Variants in PACS1 observed in about 807,000 individuals in gnomAD.
PACS1 encodes the protein phosphofurin acidic cluster sorting protein 1, also known as PACS-1.
A neutral mutation model predicts 115.0 loss-of-function variants in PACS1; 24 were observed. The ratio of observed to expected loss-of-function variants is 0.21; its 90% CI spans 0.15 to 0.29. PACS1 has a LOEUF of 0.29. PACS1 is among the 10% of genes least tolerant of loss of function. PACS1 has a pLI of 1.00. For missense variants in PACS1, 838 were observed against 1,251.2 expected, an observed-to-expected ratio of 0.67 and a Z score of 4.98; for synonymous variants, 453 against 504.5, an observed-to-expected ratio of 0.90 and a Z score of 1.37.
At chr11:66,162,828 TA>T (rs1297017075) in intron 1 of PACS1, among the ~76,000 whole-genome samples, 69 of 152,350 alleles carry the variant, frequency 4.5e-4, no homozygotes, top group African/African-American at 1.6e-3. Context: ...TAAGCAATGT[TA>T]AAATTTTATC....
Position 66,234,121 on chromosome 11 carries a change from C to T in PACS1, c.1994-11C>T. 6.3e-7 allele frequency: 1 copy of T among 1,595,626 alleles called. No individual in the cohort carries two copies. The highest frequency in any genetic ancestry group is 8.6e-7 in the Non-Finnish European group (1 of 1,163,128). On this transcript the variant is annotated splice_polypyrimidine_tract_variant and intron_variant, in intron 16 of 23. Transcript: ENST00000320580. ...TGACGAATTCACCACCTCTGGTTTT[C>T]CATCTACCAGGTTCTCACCCTGTGG...
At chr11:66,115,514 G>A (rs1565112407) in intron 1 of PACS1, among the ~76,000 whole-genome samples, 1 of 152,134 alleles carries the variant, frequency 6.6e-6, no homozygotes, top group East Asian at 1.9e-4. Context: ...GCACAAATAT[G>A]GAAAATTCTG....
Position 66,184,803 on chromosome 11 carries a change from A to AT in PACS1, c.357-8676dup, listed in dbSNP as rs559642978. The stretch of plus-strand genomic sequence containing the variant: ...TTGCTCAAAAGCAGAGATTATGCCC[A>AT]TTTTTTTCTTTTTCAGCTCCTAGCA... On this transcript the variant is annotated intron_variant, in intron 1 of 23. Coordinates refer to ENST00000320580, the MANE Select transcript of PACS1 (RefSeq NM_018026.4). Among the ~76,000 whole-genome samples, 5 of 152,108 alleles carry AT rather than the reference A, an allele frequency of 3.3e-5. No individual in the cohort carries two copies. The East Asian group carries it at 7.7e-4, about 23-fold the overall frequency.
At chr11:66,098,605 C>T (rs537889782) in intron 1 of PACS1, among the ~76,000 whole-genome samples, 2 of 152,228 alleles carry the variant, frequency 1.3e-5, no homozygotes, top group South Asian at 2.1e-4. Flanking sequence ...GTGATAAAAC[C>T]CTATTGTCCA....
At chr11:66,210,912 C>T (rs1855055818) in intron 3 of PACS1, among the ~76,000 whole-genome samples, 1 of 152,208 alleles carries the variant, frequency 6.6e-6, no homozygotes, top group African/African-American at 2.4e-5. Context: ...AGGGAAGAGA[C>T]AGTTCTCTGA....
At chr11:66,164,615 A>G (rs566967887) in intron 1 of PACS1, among the ~76,000 whole-genome samples, 5 of 144,346 alleles carry the variant, frequency 3.5e-5, no homozygotes, top group African/African-American at 1.0e-4. Flanking sequence ...ACATATATAT[A>G]TGTATTTTTT....
rs1590846897 is a variant in PACS1 at position 66,244,679 on chromosome 11, T to C, written c.*1399T>C. The C allele has an allele frequency of 6.6e-6, 1 of 152,146 alleles. No individual in the cohort carries two copies. The highest frequency in any genetic ancestry group is 2.1e-4 in the South Asian group (1 of 4,824). The allele number at this position is 152,146 out of a possible 1,614,324, so 9.4% of individuals were successfully genotyped here. A position where few individuals can be genotyped will look rare whatever the true frequency, so the allele number is the denominator to read the frequency against. On this transcript the variant is annotated 3_prime_UTR_variant, in exon 24 of 24. Coordinates refer to ENST00000320580, the MANE Select transcript of PACS1 (RefSeq NM_018026.4). ...CGTCTCCTGGGCCAGAGAGAGGAGA[T>C]GGGGGTGGGAGGGACTGAGTTGATG...
chr11:66,137,677 G>C (rs377315486), intron 1 of PACS1, among the ~76,000 whole-genome samples: 3 of 152,144 alleles, frequency 2.0e-5, no homozygotes, highest in South Asian at 4.1e-4. Flanking sequence ...CATTGACCAA[G>C]GGGTGACAAT....
At chr11:66,189,759 T>A (rs997622905) in intron 1 of PACS1, among the ~76,000 whole-genome samples, 13 of 152,326 alleles carry the variant, frequency 8.5e-5, no homozygotes, top group African/African-American at 3.1e-4. Flanking sequence ...AGGTGGAAAA[T>A]GTTTGCTTTG....
At chr11:66,081,903 AAGCCAT>A (rs1857487246) in intron 1 of PACS1, among the ~76,000 whole-genome samples, 1 of 152,186 alleles carries the variant, frequency 6.6e-6, no homozygotes, top group Non-Finnish European at 1.5e-5. Context: ...TTTGTGTCTC[AAGCCAT>A]AGAAAAACTA....
rs539901414 is a variant in PACS1 at position 66,216,332 on chromosome 11, G to A, written c.805+69G>A. On this transcript the variant is annotated intron_variant, in intron 5 of 23. Coordinates refer to ENST00000320580, the MANE Select transcript of PACS1 (RefSeq NM_018026.4). ...CATCCTGGGAAAGGTGAACAAGACA[G>A]TGCCTGAGATGTTCCTGGGCAAGAG... is the stretch of plus-strand genomic sequence containing the variant. 79 of 1,581,636 alleles carry A rather than the reference G, an allele frequency of 5.0e-5. No homozygotes were observed. The Admixed American group carries it at 6.3e-4, about 13-fold the overall frequency.
At chr11:66,146,150 A>C (rs1027461951) in intron 1 of PACS1, among the ~76,000 whole-genome samples, 1 of 152,126 alleles carries the variant, frequency 6.6e-6, no homozygotes, top group African/African-American at 2.4e-5. Flanking sequence ...ATGGGACAAA[A>C]AAAACAGGAA....
intron 1 of PACS1, among the ~76,000 whole-genome samples, chr11:66,099,837 T>A (rs1259635243): frequency 7.3e-6 from 1 of 137,246 alleles, no homozygotes; most frequent in East Asian, 2.2e-4. Context: ...TGAGCCACCA[T>A]GCCTGGCCTA....
chr11:66,099,630 C>A (rs186328388), intron 1 of PACS1, among the ~76,000 whole-genome samples: 1 of 151,994 alleles, frequency 6.6e-6, no homozygotes, highest in Non-Finnish European at 1.5e-5. Context: ...ACTGCAACCT[C>A]CGCCTCCTGG....
intron 8 of PACS1, chr11:66,220,240 C>T (rs1427507280): frequency 3.2e-5 from 9 of 278,366 alleles, no homozygotes; most frequent in African/African-American, 8.8e-5. Context: ...CCCTGGGCTC[C>T]GGGAGGGGCC....
chr11:66,237,844 T>C (rs1339913630), intron 19 of PACS1, among the ~76,000 whole-genome samples: 2 of 152,326 alleles, frequency 1.3e-5, no homozygotes, highest in East Asian at 3.9e-4. Flanking sequence ...TGTTCCTCTC[T>C]GGGAATCAAA....
At chr11:66,193,033 GA>G (rs1158253546) in intron 1 of PACS1, among the ~76,000 whole-genome samples, 6 of 152,206 alleles carry the variant, frequency 3.9e-5, no homozygotes, top group Non-Finnish European at 4.4e-5. Context: ...TGATCAGGTG[GA>G]AAGTAGAAGA....
chr11:66,236,122 G>A lies in PACS1; in HGVS notation c.2250+182G>A, dbSNP rs1444062342. On this transcript the variant is annotated intron_variant, in intron 19 of 23. Coordinates refer to ENST00000320580, the MANE Select transcript of PACS1 (RefSeq NM_018026.4). The surrounding 1 kb of genome is among the most constrained non-coding windows in gnomAD (Gnocchi z 4.2). ...TTGGTTGTTATACGGGGGGTACCCA[G>A]TGGGTGGAGGCCAGGGATGCAGCTG... 6.6e-6 allele frequency among the ~76,000 whole-genome samples: 1 copy of A among 152,162 alleles called. No individual in the cohort carries two copies. Among genetic ancestry groups the A allele is most frequent in the Non-Finnish European group, 1.5e-5 (1 of 68,024 alleles).
intron 2 of PACS1, among the ~76,000 whole-genome samples, chr11:66,210,106 C>G (rs1185115802): frequency 6.6e-6 from 1 of 151,932 alleles, no homozygotes; most frequent in Non-Finnish European, 1.5e-5. Context: ...TCATGACTCA[C>G]TGCAGGCTTG....
Sources: allele counts gnomAD v4.1 joint callset (sites outside exome capture counted in the v4.1 genomes callset), GRCh38; gene constraint gnomAD v4.1.1; non-coding constraint Gnocchi (gnomAD v3.1); transcripts MANE v1.5; gene names NCBI Gene and HGNC (gene_info 2026-07-23, HGNC 2026-07-21).